DLG5: variants seen among roughly 807,000 people sequenced by gnomAD.
The protein encoded by DLG5 is discs large MAGUK scaffold protein 5.
In DLG5, 48 loss-of-function variants were observed where a neutral mutation model predicts 189.8. That is an observed-to-expected ratio of 0.25 (90% CI 0.20 to 0.32). The LOEUF (loss-of-function observed/expected upper bound fraction) is 0.32, where lower values mean the gene tolerates loss of function less well. Among genes scored for constraint, DLG5 ranks in the 10% least tolerant of loss-of-function variants. The pLI, the probability that DLG5 is intolerant of heterozygous loss-of-function variation, is 1.00. For synonymous variants in DLG5, 1,016 were observed against 1,054.1 expected, an observed-to-expected ratio of 0.96 and a Z score of 0.70; for missense variants, 2,160 against 2,544.7, an observed-to-expected ratio of 0.85 and a Z score of 3.25.
chr10:77,793,890 A>G, intron 31 of DLG5, 118 bp downstream of exon 31: 4 of 854,102 alleles, frequency 4.7e-6, no homozygotes, highest in Non-Finnish European at 7.7e-6. Flanking sequence ...CGTGCTCATG[A>G]CAGCACTTGG....
At chr10:77,906,276 T>C (rs1846067522) in intron 1 of DLG5, among the ~76,000 whole-genome samples, 1 of 152,232 alleles carries the variant, frequency 6.6e-6, no homozygotes, top group African/African-American at 2.4e-5. Flanking sequence ...ATAGGCAGCA[T>C]CCAGCTTTCT....
chr10:77,837,440 A>G (rs1300227311), intron 7 of DLG5, among the ~76,000 whole-genome samples: 2 of 152,158 alleles, frequency 1.3e-5, no homozygotes, highest in African/African-American at 4.8e-5. Flanking sequence ...CAGGCAGCGC[A>G]GGAGGTGGGC....
intron 1 of DLG5, among the ~76,000 whole-genome samples, chr10:77,910,382 A>G (rs1004200281): frequency 6.6e-5 from 10 of 152,224 alleles, no homozygotes; most frequent in African/African-American, 2.2e-4. Flanking sequence ...GCAGAGGCTG[A>G]TAAAAGATTT....
intron 5 of DLG5, among the ~76,000 whole-genome samples, chr10:77,847,073 AG>A (rs1843731522): frequency 6.6e-6 from 1 of 152,082 alleles, no homozygotes; most frequent in Admixed American, 6.5e-5. Flanking sequence ...GTGACAATCC[AG>A]GGATGATTCA....
the DLG5 span, among the ~76,000 whole-genome samples, chr10:77,933,324 T>C: frequency 6.6e-6 from 1 of 152,090 alleles, no homozygotes; most frequent in Non-Finnish European, 1.5e-5. Context: ...CTCGCTCTTG[T>C]TCCCCAGGCT....
chr10:77,844,870 AG>A (rs1247259117), intron 5 of DLG5, among the ~76,000 whole-genome samples: 3 of 152,100 alleles, frequency 2.0e-5, no homozygotes, highest in Admixed American at 1.3e-4. Flanking sequence ...CTGGGCAGAG[AG>A]GGGGGCAGGG....
upstream of DLG5, among the ~76,000 whole-genome samples, chr10:77,930,140 G>C (rs575059484): frequency 5.7e-4 from 87 of 152,134 alleles, no homozygotes; most frequent in African/African-American, 1.9e-3. Context: ...GTCTGCTTCT[G>C]CTTTGGTTTG....
Position 77,806,781 on chromosome 10 carries a change from G to T in DLG5, c.4944C>A (p.Arg1648=), listed in dbSNP as rs769363278. ...ACACATATTTGCTGGGAATCTGCCC[G>T]CGCTGGATCTTCTGGGCATTCTCGT... The part of the protein sequence containing the change: ...QLDENAQKIQ[R]GQIPSKYVMD... Residue 1648 remains arginine (R), a synonymous_variant, in exon 26 of 32, where the codon CGC becomes CGA. Coordinates refer to ENST00000372391, the MANE Select transcript of DLG5 (RefSeq NM_004747.4). 2 of 1,363,902 alleles carry T rather than the reference G, an allele frequency of 1.5e-6. No homozygotes were observed. Among genetic ancestry groups the T allele is most frequent in the African/African-American group, 1.5e-5 (1 of 65,492 alleles). 84.5% of individuals were successfully genotyped at this position (1,363,902 alleles called of 1,614,324 possible). A position where few individuals can be genotyped will look rare whatever the true frequency, so the allele number is the denominator to read the frequency against.
the DLG5 span, among the ~76,000 whole-genome samples, chr10:77,938,434 A>G: frequency 1.3e-5 from 2 of 152,136 alleles, no homozygotes; most frequent in Non-Finnish European, 2.9e-5. Context: ...CTGTCTCAAA[A>G]AATAAAAACA....
intron 30 of DLG5, 136 bp from the exon 31 acceptor site, chr10:77,794,253 A>C: frequency 1.4e-6 from 1 of 713,066 alleles, no homozygotes. Flanking sequence ...TCCCCACATA[A>C]AGCACAGCAA....
upstream of DLG5, chr10:77,926,904 G>C: frequency 2.9e-6 from 1 of 344,008 alleles, no homozygotes; most frequent in Non-Finnish European, 5.9e-6. This position sits in a 1 kb window ranked among gnomAD's most constrained non-coding sequence, Gnocchi z 5.2. Context: ...GAGAAAACTC[G>C]CCCCGAAAGC....
upstream of DLG5, chr10:77,927,051 G>C: frequency 4.4e-6 from 1 of 226,566 alleles, no homozygotes; most frequent in Non-Finnish European, 8.7e-6. Flanking sequence ...CCGGCTCACC[G>C]GGGCCCCGCG....
intron 1 of DLG5, among the ~76,000 whole-genome samples, chr10:77,887,200 C>A (rs187383165): frequency 8.2e-4 from 125 of 152,300 alleles, no homozygotes; most frequent in Middle Eastern, 6.8e-3. Context: ...CCAAGGCTCT[C>A]CAAGATCAAG....
In DLG5 at chr10:77,805,877, C is replaced by A. The variant is rs1288762424; in HGVS notation, c.4968-16G>T. The A allele has an allele frequency of 1.9e-6, 3 of 1,599,530 alleles. No individual in the cohort carries two copies. Among genetic ancestry groups the A allele is most frequent in the Admixed American group, 1.7e-5 (1 of 59,200 alleles). On this transcript the variant is annotated splice_polypyrimidine_tract_variant and intron_variant, in intron 26 of 31. Transcript: ENST00000372391. Reference sequence around the variant, plus strand: ...TTGGTCCATCCTGTGGCACAGGGGACAATGCTGGGCAGGGCCATCGAGACC... The same window carrying A: ...TTGGTCCATCCTGTGGCACAGGGGAAAATGCTGGGCAGGGCCATCGAGACC...
intron 17 of DLG5, among the ~76,000 whole-genome samples, chr10:77,818,908 A>G (rs1337472676): frequency 1.3e-5 from 2 of 152,240 alleles, no homozygotes; most frequent in South Asian, 4.1e-4. Context: ...GTAGGTGCTC[A>G]AAAAATATCT....
At chr10:77,905,205 T>C (rs1274855588) in intron 1 of DLG5, among the ~76,000 whole-genome samples, 1 of 152,022 alleles carries the variant, frequency 6.6e-6, no homozygotes, top group African/African-American at 2.4e-5. Flanking sequence ...GTCACTGTGT[T>C]GCCCGGGCTG....
At position 77,856,980 on chromosome 10, in the gene DLG5, G is replaced by C. The variant is rs73301345; in HGVS notation, c.374-88C>G. 2.6e-4 allele frequency: 346 copies of C among 1,335,740 alleles called. No homozygotes were observed. The African/African-American group carries it at 3.7e-3, about 14-fold the overall frequency. 82.7% of individuals were successfully genotyped at this position (1,335,740 alleles called of 1,614,324 possible). On this transcript the variant is annotated intron_variant, in intron 2 of 31. Coordinates refer to ENST00000372391, the MANE Select transcript of DLG5 (RefSeq NM_004747.4). ...TGTCCTGAGCTGTTGGCTTGTGTTA[G>C]CTATTCGTGACCCAACAAGTGGGTC...
intron 7 of DLG5, 143 bp from the exon 8 acceptor site, chr10:77,836,065 AC>A: frequency 1.3e-6 from 1 of 765,304 alleles, no homozygotes; most frequent in Non-Finnish European, 2.0e-6. Flanking sequence ...CACACCCCAT[AC>A]CCCCAGTGAC....
At chr10:77,881,495 T>TG (rs1845281006) in intron 1 of DLG5, among the ~76,000 whole-genome samples, 2 of 152,198 alleles carry the variant, frequency 1.3e-5, no homozygotes, top group Non-Finnish European at 2.9e-5. Context: ...CTGCCAGCCT[T>TG]GTCCTCTAGT....
Sources: allele counts gnomAD v4.1 joint callset (sites outside exome capture counted in the v4.1 genomes callset), GRCh38; gene constraint gnomAD v4.1.1; non-coding constraint Gnocchi (gnomAD v3.1); transcripts MANE v1.5; gene names NCBI Gene and HGNC (gene_info 2026-07-23, HGNC 2026-07-21).